The following NDEL1 variants were observed in gnomAD, a reference collection of about 807,000 sequenced individuals.
NDEL1 encodes nuclear distribution protein nudE-like 1.
In NDEL1, 9 loss-of-function variants were observed where a neutral mutation model predicts 45.7. The ratio of observed to expected loss-of-function variants is 0.20; its 90% CI spans 0.12 to 0.34. The LOEUF (loss-of-function observed/expected upper bound fraction) is 0.34, where lower values mean the gene tolerates loss of function less well. NDEL1 is among the 10% of genes least tolerant of loss of function. NDEL1 has a pLI of 1.00. For synonymous variants in NDEL1, 133 were observed against 158.6 expected, an observed-to-expected ratio of 0.84 and a Z score of 1.21; for missense variants, 306 against 406.2, an observed-to-expected ratio of 0.75 and a Z score of 2.12.
At chr17:8,418,757 TTCCC>T (rs748595051) in intron 1 of NDEL1, among the ~76,000 whole-genome samples, 47 of 149,608 alleles carry the variant, frequency 3.1e-4, no homozygotes, top group East Asian at 7.9e-4. Flanking sequence ...CCTTCCTTCC[TTCCC>T]TCCCTCCCTC....
At chr17:8,433,981 G>A (rs1909083345), upstream of NDEL1, among the ~76,000 whole-genome samples, 1 of 151,964 alleles carries the variant, frequency 6.6e-6, no homozygotes, top group South Asian at 2.1e-4. Flanking sequence ...AATCCATCTT[G>A]CATTGTTCCT....
intron 1 of NDEL1, among the ~76,000 whole-genome samples, chr17:8,417,378 T>C (rs1432522129): frequency 6.6e-6 from 1 of 152,224 alleles, no homozygotes; most frequent in Non-Finnish European, 1.5e-5. Context: ...TCTTTTTTCT[T>C]TTTCTTTTCC....
In NDEL1 at chr17:8,467,044, G is replaced by T. The variant is rs369769606; in HGVS notation, c.*21G>T. 3.7e-6 allele frequency: 6 copies of T among 1,612,746 alleles called. No homozygotes were observed. The highest frequency in any genetic ancestry group is 5.1e-6 in the Non-Finnish European group (6 of 1,179,100). On this transcript the variant is annotated 3_prime_UTR_variant, in exon 9 of 9. Transcript: ENST00000334527. The surrounding 1 kb of genome is among the most constrained non-coding windows in gnomAD (Gnocchi z 6.3). ...TGTGAGTGCCTAGCCTCCAGGTGGG[G>T]GCTCCTGCCCTCCTCCAACAACCCA...
At chr17:8,432,606 G>A (rs373041245), upstream of NDEL1, among the ~76,000 whole-genome samples, 1 of 151,486 alleles carries the variant, frequency 6.6e-6, no homozygotes, top group South Asian at 2.1e-4. Flanking sequence ...GGATGGTCTC[G>A]ATCTCCTGAC....
At chr17:8,417,690 A>G (rs979918094) in intron 1 of NDEL1, among the ~76,000 whole-genome samples, 1 of 152,060 alleles carries the variant, frequency 6.6e-6, no homozygotes, top group African/African-American at 2.4e-5. Flanking sequence ...GGCTGCTAAC[A>G]TTCTAGGGGG....
chr17:8,445,614 A>T, intron 2 of NDEL1, 97 bp from the exon 3 acceptor site: 1 of 1,333,904 alleles, frequency 7.5e-7, no homozygotes, highest in Non-Finnish European at 1.0e-6. Flanking sequence ...GAGCATTAGC[A>T]TTCAAGCAAA....
intron 1 of NDEL1, among the ~76,000 whole-genome samples, chr17:8,439,753 G>A (rs1019154513): frequency 2.0e-5 from 3 of 152,100 alleles, no homozygotes; most frequent in Admixed American, 6.5e-5. Flanking sequence ...GTCTGCTATC[G>A]AACTACCAAT....
intron 1 of NDEL1, among the ~76,000 whole-genome samples, chr17:8,442,101 T>C (rs929220111): frequency 3.9e-5 from 6 of 152,208 alleles, no homozygotes; most frequent in Non-Finnish European, 8.8e-5. Context: ...AGGTAGCTAG[T>C]GTGCAGTGGT....
At chr17:8,450,391 A>G (rs1910412528) in intron 5 of NDEL1, among the ~76,000 whole-genome samples, 1 of 152,246 alleles carries the variant, frequency 6.6e-6, no homozygotes. Flanking sequence ...ATAATAGTTA[A>G]TGCCAGCCCA....
chr17:8,463,923 A>C (rs1911411207), intron 8 of NDEL1, among the ~76,000 whole-genome samples: 1 of 152,236 alleles, frequency 6.6e-6, no homozygotes. Context: ...CTCTGAGCCC[A>C]CACTCATCCA....
Position 8,465,784 on chromosome 17 carries a change from G to C in NDEL1, c.945-1146G>C, listed in dbSNP as rs931370877. ...GCTTTATCTCCCAAATTGCTAGTGG[G>C]ACAAATTTTCCTAGGAAGCGTTTCA... On this transcript the variant is annotated intron_variant, in intron 8 of 8. Coordinates refer to ENST00000334527, the MANE Select transcript of NDEL1 (RefSeq NM_030808.5). The surrounding 1 kb of genome is among the most constrained non-coding windows in gnomAD (Gnocchi z 4.9). The C allele has an allele frequency of 1.3e-5, 2 of 152,352 alleles. No homozygotes were observed. The highest frequency in any genetic ancestry group is 2.9e-5 in the Non-Finnish European group (2 of 68,172). 9.4% of individuals were successfully genotyped at this position (152,352 alleles called of 1,614,324 possible).
At chr17:8,429,430 G>T (rs1297417773) in intron 1 of NDEL1, among the ~76,000 whole-genome samples, 1 of 152,190 alleles carries the variant, frequency 6.6e-6, no homozygotes, top group African/African-American at 2.4e-5. Context: ...TAAGTCTCTT[G>T]TGAACTGTGT....
chr17:8,455,019 C>G, intron 7 of NDEL1, 132 bp downstream of exon 7: 1 of 823,846 alleles, frequency 1.2e-6, no homozygotes, highest in Admixed American at 2.4e-5. Flanking sequence ...GAAGCAAAAG[C>G]ATCCATTGAC....
intron 8 of NDEL1, chr17:8,464,236 T>G (rs1169548234): frequency 6.6e-6 from 1 of 152,038 alleles, no homozygotes; most frequent in African/African-American, 2.4e-5. Flanking sequence ...CATGAAATTT[T>G]ATAGCTCTGG....
chr17:8,445,770 C>T lies in NDEL1; in HGVS notation c.146C>T (p.Ala49Val), dbSNP rs752831108. 1 of 1,601,222 alleles carries T rather than the reference C, an allele frequency of 6.2e-7. No homozygotes were observed. The highest frequency in any genetic ancestry group is 1.7e-5 in the Admixed American group (1 of 57,182). ...CAGGAAGGAAGCAGAGAATTAGAAG[C>T]AGAGTTGGAGGCACAATTAGTACAG... is the stretch of plus-strand genomic sequence containing the variant. ...EFQEGSRELE[A>V]ELEAQLVQAE... The change falls in exon 3 of 9, where the codon GCA becomes GTA. Residue 49 changes from alanine to valine, a missense_variant. Around this residue, in one of 3 missense-constraint regions of NDEL1, gnomAD observed 112 missense variants for 148.3 expected, o/e 0.76. Transcript: ENST00000334527.
At chr17:8,436,068 C>T (rs1462349889) in intron 1 of NDEL1, 23 bp downstream of exon 1, 1 of 422,916 alleles carries the variant, frequency 2.4e-6, no homozygotes, top group Non-Finnish European at 4.7e-6. Flanking sequence ...CGCGGGGCCG[C>T]TCCCTAAGGG....
chr17:8,467,366 T>C lies in NDEL1; in HGVS notation c.*343T>C. 4.3e-6 allele frequency: 2 copies of C among 464,646 alleles called. No homozygotes were observed. Among genetic ancestry groups the C allele is most frequent in the South Asian group, 4.8e-5 (1 of 20,656 alleles). The allele number at this position is 464,646 out of a possible 1,614,324, so 28.8% of individuals were successfully genotyped here. ...CATAGCCCCCACTCTGCTGTACTGATAGGATTTAGTTGTGTTTTAGGACAT... is the reference window on the plus strand; with the variant it reads ...CATAGCCCCCACTCTGCTGTACTGACAGGATTTAGTTGTGTTTTAGGACAT... On this transcript the variant is annotated 3_prime_UTR_variant, in exon 9 of 9. Transcript: ENST00000334527. This position sits in a 1 kb window ranked among gnomAD's most constrained non-coding sequence, Gnocchi z 6.3.
intron 6 of NDEL1, among the ~76,000 whole-genome samples, chr17:8,452,740 CTTT>C: frequency 5.2e-5 from 5 of 95,592 alleles, no homozygotes; most frequent in Admixed American, 1.3e-4. Flanking sequence ...TTTTTCTTCT[CTTT>C]TTTTTTTTTT....
At chr17:8,439,946 A>C (rs1555558753) in intron 1 of NDEL1, among the ~76,000 whole-genome samples, 1 of 152,222 alleles carries the variant, frequency 6.6e-6, no homozygotes, top group Non-Finnish European at 1.5e-5. Flanking sequence ...GAGTAGATGC[A>C]TCAGTAGCGA....
Sources: allele counts gnomAD v4.1 joint callset (sites outside exome capture counted in the v4.1 genomes callset), GRCh38; gene constraint gnomAD v4.1.1; regional missense constraint gnomAD v4.1.1; non-coding constraint Gnocchi (gnomAD v3.1); transcripts MANE v1.5; gene names NCBI Gene and HGNC (gene_info 2026-07-23, HGNC 2026-07-21).